TTK: variants seen among roughly 807,000 people sequenced by gnomAD.
TTK encodes the protein TTK protein kinase, also known as dual specificity protein kinase TTK.
In TTK, 59 loss-of-function variants were observed where a neutral mutation model predicts 117.3. The ratio of observed to expected loss-of-function variants is 0.50; its 90% confidence interval spans 0.41 to 0.62. The LOEUF (loss-of-function observed/expected upper bound fraction) is 0.62, where lower values mean the gene tolerates loss of function less well. Among genes scored for constraint, TTK ranks in the 20% least tolerant of loss-of-function variants. The probability of loss-of-function intolerance (pLI) is 0.00; values close to 1 mark genes in which losing one functional copy is unlikely to be tolerated. For synonymous variants in TTK, 302 were observed against 325.0 expected, an observed-to-expected ratio of 0.93 and a Z score of 0.76; for missense variants, 921 against 989.4, an observed-to-expected ratio of 0.93 and a Z score of 0.93.
chr6:80,036,673 G>T, intron 17 of TTK, 74 bp downstream of exon 17: 1 of 1,443,018 alleles, frequency 6.9e-7, no homozygotes, highest in South Asian at 1.5e-5. Flanking sequence ...TATTGCAAAT[G>T]AGTGTTATAT....
intron 10 of TTK, among the ~76,000 whole-genome samples, chr6:80,021,479 G>A (rs1317564726): frequency 6.6e-6 from 1 of 152,176 alleles, no homozygotes; most frequent in East Asian, 1.9e-4. Flanking sequence ...ACAACACAGA[G>A]GCCAAAAACA....
At chr6:80,015,210 A>T (rs1767274959) in intron 10 of TTK, among the ~76,000 whole-genome samples, 1 of 152,176 alleles carries the variant, frequency 6.6e-6, no homozygotes. Context: ...AGAGTATTTC[A>T]GATGAAGAGG....
rs1438971558 is a variant in TTK at position 80,040,590 on chromosome 6, T to C, written c.2393-16T>C. The C allele has an allele frequency of 5.0e-6, 8 of 1,606,310 alleles. No individual in the cohort carries two copies. Among genetic ancestry groups the C allele is most frequent in the Non-Finnish European group, 6.8e-6 (8 of 1,175,292 alleles). On this transcript the variant is annotated splice_polypyrimidine_tract_variant and intron_variant, in intron 20 of 21. Transcript: ENST00000369798. ...TTTTCTTACTGGTACTAGTGTATTATTGATTTATTTTATAGTTAACCAAAT... is the reference window on the plus strand; with the variant it reads ...TTTTCTTACTGGTACTAGTGTATTACTGATTTATTTTATAGTTAACCAAAT...
chr6:80,004,771 G>C (rs1365657564), intron 1 of TTK, 58 bp downstream of exon 1: 1 of 152,088 alleles, frequency 6.6e-6, no homozygotes, highest in Non-Finnish European at 1.5e-5. Flanking sequence ...GCCGGTGTAG[G>C]GGCTCATTGT....
At chr6:80,033,296 A>G (rs761210256) in intron 14 of TTK, among the ~76,000 whole-genome samples, 3 of 152,204 alleles carry the variant, frequency 2.0e-5, no homozygotes, top group South Asian at 2.1e-4. Context: ...ATTTTCCTCT[A>G]GATATCCTCA....
At chr6:80,041,975 A>G (rs576410113) in intron 21 of TTK, 144 bp from the exon 22 acceptor site, 6 of 460,168 alleles carry the variant, frequency 1.3e-5, no homozygotes, top group African/African-American at 1.2e-4. Context: ...TATTATCTCT[A>G]ATAGTTTATA....
intron 10 of TTK, among the ~76,000 whole-genome samples, chr6:80,019,771 C>G (rs888092345): frequency 1.3e-5 from 2 of 152,110 alleles, no homozygotes; most frequent in African/African-American, 4.8e-5. Flanking sequence ...AAAGATTAGT[C>G]TGTTTTTGAC....
chr6:80,026,412 C>T lies in TTK; in HGVS notation c.1292C>T (p.Ser431Leu). 6.2e-7 allele frequency: 1 copy of T among 1,613,384 alleles called. No homozygotes were observed. Among genetic ancestry groups the T allele is most frequent in the Non-Finnish European group, 8.5e-7 (1 of 1,179,722 alleles). The part of the protein sequence containing the change: ...KHTTFEQPVF[S>L]VSKQSPPIST... ...ACCACTTTTGAGCAACCTGTCTTTT[C>T]AGTTTCAAAACAGTCACCACCAATA... The change falls in exon 12 of 22, where the codon TCA becomes TTA. Residue 431 changes from serine to leucine, a missense_variant. Coordinates refer to ENST00000369798, the MANE Select transcript of TTK (RefSeq NM_003318.5).
chr6:80,013,733 T>TA (rs950799099), intron 9 of TTK, among the ~76,000 whole-genome samples: 5 of 151,062 alleles, frequency 3.3e-5, no homozygotes, highest in Non-Finnish European at 5.9e-5. Context: ...TAAGACATCT[T>TA]AAAAAAAAAT....
Position 80,035,135 on chromosome 6 carries a change from T to C in TTK, c.1765T>C (p.Tyr589His). The C allele has an allele frequency of 6.4e-7, 1 of 1,551,648 alleles. No individual in the cohort carries two copies. The highest frequency in any genetic ancestry group is 8.7e-7 in the Non-Finnish European group (1 of 1,155,782). ...QQHSDKIIRL[Y>H]DYEITDQYIY... ...ACACAGTGATAAGATCATCCGACTT[T>C]ATGATTAGTAAGAATTCTTTTTAAA... The change falls in exon 15 of 22, where the codon TAT becomes CAT. Residue 589 changes from tyrosine to histidine, a missense_variant. By Grantham distance (83) the Tyr-to-His change is moderately conservative. Transcript: ENST00000369798.
intron 10 of TTK, among the ~76,000 whole-genome samples, chr6:80,015,281 CTG>C (rs1227995470): frequency 6.6e-6 from 1 of 152,132 alleles, no homozygotes; most frequent in African/African-American, 2.4e-5. Context: ...ATGCTGCAGA[CTG>C]TAACATGGGT....
chr6:80,020,288 AT>A (rs1347883040), intron 10 of TTK, among the ~76,000 whole-genome samples: 1 of 152,202 alleles, frequency 6.6e-6, no homozygotes, highest in African/African-American at 2.4e-5. Flanking sequence ...CTCTATGGCA[AT>A]TTCGTTTTAA....
At chr6:80,010,459 C>T (rs1466229525) in intron 4 of TTK, among the ~76,000 whole-genome samples, 2 of 150,086 alleles carry the variant, frequency 1.3e-5, no homozygotes, top group African/African-American at 4.9e-5. Flanking sequence ...AGAATGCCCT[C>T]CTGTTTCTAA....
intron 15 of TTK, 39 bp from the exon 16 acceptor site, chr6:80,035,227 C>T: frequency 6.4e-7 from 1 of 1,551,814 alleles, no homozygotes; most frequent in South Asian, 1.3e-5. Context: ...TATAACCTAG[C>T]CATTTATTGT....
At chr6:80,025,896 AAG>A (rs141445257) in intron 11 of TTK, among the ~76,000 whole-genome samples, 3,881 of 151,800 alleles carry the variant, frequency 0.026, 157 homozygotes, top group African/African-American at 0.087. Flanking sequence ...CTTTTGGAAA[AAG>A]AATTTCTACA....
At position 80,026,507 on chromosome 6, in the gene TTK, A is replaced by G. The variant is rs756727109; in HGVS notation, c.1387A>G (p.Met463Val). The G allele has an allele frequency of 2.8e-5, 45 of 1,613,576 alleles. No homozygotes were observed. Among genetic ancestry groups the G allele is most frequent in the Non-Finnish European group, 3.7e-5 (44 of 1,179,802 alleles). ...AAGCAGCAATACCTTGGATGATTAC[A>G]TGAGCTGGTAATTACTTTGGCCCCT... ...TPSSNTLDDYMSCFRTPVVKN... is the reference protein window; with the variant it reads ...TPSSNTLDDYVSCFRTPVVKN... The change falls in exon 12 of 22, where the codon ATG becomes GTG. Residue 463 changes from methionine (M) to valine (V), a missense_variant. Physicochemically the swap from Met to Val is conservative, Grantham distance 21. Transcript: ENST00000369798.
intron 21 of TTK, among the ~76,000 whole-genome samples, chr6:80,041,772 T>C (rs910075522): frequency 4.6e-5 from 7 of 151,312 alleles, no homozygotes. Context: ...ATATAAAGTT[T>C]CCTAATAAAT....
intron 2 of TTK, 137 bp from the exon 3 acceptor site, chr6:80,007,672 A>G (rs886391247): frequency 1.4e-5 from 8 of 583,900 alleles, no homozygotes; most frequent in African/African-American, 3.8e-5. Flanking sequence ...AACTTTTACA[A>G]TTTTAAAAAG....
intron 10 of TTK, among the ~76,000 whole-genome samples, 154 bp from the exon 11 acceptor site, chr6:80,022,170 T>C (rs1012682943): frequency 6.6e-6 from 1 of 152,242 alleles, no homozygotes. Context: ...AAGCAAATTG[T>C]TAAGCAGCTG....
Sources: allele counts gnomAD v4.1 joint callset (sites outside exome capture counted in the v4.1 genomes callset), GRCh38; gene constraint gnomAD v4.1.1; transcripts MANE v1.5; gene names NCBI Gene and HGNC (gene_info 2026-07-23, HGNC 2026-07-21).